The following PIGA variants were observed in gnomAD, a reference collection of about 807,000 sequenced individuals.
PIGA encodes phosphatidylinositol glycan anchor biosynthesis class A.
PIGA carries 3 observed loss-of-function variants against 17.1 expected under a neutral mutation model. That is an observed-to-expected ratio of 0.18 (90% CI 0.08 to 0.45). The LOEUF (loss-of-function observed/expected upper bound fraction) is 0.45, where lower values mean the gene tolerates loss of function less well. Ranked by LOEUF, PIGA falls within the 20% of genes least tolerant of loss-of-function variation. The pLI is 0.99. For missense variants in PIGA, 231 were observed against 374.1 expected, an observed-to-expected ratio of 0.62 and a Z score of 3.16; for synonymous variants, 126 against 135.1, an observed-to-expected ratio of 0.93 and a Z score of 0.47.
Position 15,324,736 on chromosome X carries a change from C to G in PIGA, c.1117G>C (p.Ala373Pro). Reference protein sequence around the residue: ...IFQLKSGTLPAPENIHNIVKT... With the variant: ...IFQLKSGTLPPPENIHNIVKT... ...ACTATGTTATGGATGTTTTCTGGAG[C>G]TGGCAATGTCCCTGACTTCAGTTGG... Residue 373 changes from alanine (A) to proline (P), a missense_variant, in exon 5 of 6, where the codon GCT becomes CCT. Coordinates refer to ENST00000333590, the MANE Select transcript of PIGA (RefSeq NM_002641.4). The G allele has an allele frequency of 8.3e-7, 1 of 1,207,796 alleles. No individual in the cohort carries two copies. The highest frequency in any genetic ancestry group is 1.1e-6 in the Non-Finnish European group (1 of 891,844).
intron 1 of PIGA, among the ~76,000 whole-genome samples, chrX:15,333,732 G>A (rs925849980): frequency 3.6e-5 from 4 of 112,019 alleles, no homozygotes; most frequent in African/African-American, 1.3e-4. Context: ...AAACCAAAGA[G>A]GGTGATTATG....
chrX:15,333,605 C>T (rs141714461), intron 1 of PIGA, among the ~76,000 whole-genome samples: 175 of 112,046 alleles, frequency 1.6e-3, no homozygotes, highest in Middle Eastern at 4.6e-3. Context: ...CGCTTGAACC[C>T]GGGAGTCCGA....
intron 1 of PIGA, among the ~76,000 whole-genome samples, chrX:15,333,630 G>A (rs1258538785): frequency 3.6e-5 from 4 of 112,277 alleles, no homozygotes; most frequent in African/African-American, 1.3e-4. Flanking sequence ...GCAGTGAGCC[G>A]AGATCGCGCC....
chrX:15,329,852 G>T lies in PIGA; in HGVS notation c.715+1364C>A, dbSNP rs754887902. 4.1e-3 allele frequency among the ~76,000 whole-genome samples: 452 copies of T among 111,388 alleles called. 2 individuals carry two copies. Among genetic ancestry groups the T allele is most frequent in the Non-Finnish European group, 7.0e-3 (370 of 53,046 alleles). On this transcript the variant is annotated intron_variant, in intron 2 of 5. Transcript: ENST00000333590. Reference sequence around the variant, plus strand: ...GTTAATCCCAGCATTTTGGGAGGCCGGGGCAGGTGGATCACGAGGTCAGGA... The same window carrying T: ...GTTAATCCCAGCATTTTGGGAGGCCTGGGCAGGTGGATCACGAGGTCAGGA...
chrX:15,321,152 C>T lies in PIGA; in HGVS notation c.*354G>A, dbSNP rs944888916. ...ATCTGGTGAGTGTCTAATGGTGTTACATTAAAAACTGGCCAAAAAATGCCC... is the reference window on the plus strand; with the variant it reads ...ATCTGGTGAGTGTCTAATGGTGTTATATTAAAAACTGGCCAAAAAATGCCC... On this transcript the variant is annotated 3_prime_UTR_variant, in exon 6 of 6. Coordinates refer to ENST00000333590, the MANE Select transcript of PIGA (RefSeq NM_002641.4). 7 of 148,066 alleles carry T rather than the reference C, an allele frequency of 4.7e-5. No homozygotes were observed. Among genetic ancestry groups the T allele is most frequent in the Non-Finnish European group, 9.3e-5 (7 of 75,639 alleles). The allele number at this position is 148,066 out of a possible 1,213,427, so 12.2% of individuals were successfully genotyped here. A position where few individuals can be genotyped will look rare whatever the true frequency, so the allele number is the denominator to read the frequency against.
In PIGA at chrX:15,325,093, T is replaced by C. The variant is rs139991272; in HGVS notation, c.908A>G (p.His303Arg). 8.3e-7 allele frequency: 1 copy of C among 1,206,878 alleles called. No individual in the cohort carries two copies. Among genetic ancestry groups the C allele is most frequent in the African/African-American group, 1.7e-5 (1 of 57,766 alleles). ...AGTAAGGGAGGTATTCAGAAAAATA[T>C]GTCCTTGAACTAAGACATTTCTAAC... ...KDVRNVLVQGHIFLNTSLTEA... is the reference protein window; with the variant it reads ...KDVRNVLVQGRIFLNTSLTEA... The change falls in exon 4 of 6, where the codon CAT becomes CGT. Residue 303 changes from histidine (H) to arginine (R), a missense_variant. By Grantham distance (29) the His-to-Arg change is conservative. Transcript: ENST00000333590.
chrX:15,325,121 C>T lies in PIGA; in HGVS notation c.880G>A (p.Asp294Asn). 1 of 1,200,606 alleles carries T rather than the reference C, an allele frequency of 8.3e-7. No homozygotes were observed. Among genetic ancestry groups the T allele is most frequent in the Non-Finnish European group, 1.1e-6 (1 of 890,436 alleles). The stretch of plus-strand genomic sequence containing the variant: ...CCTTGAACTAAGACATTTCTAACAT[C>T]CTTGTGTTCTAAAGCTCCCAAAAGA... ...VRLLGALEHK[D>N]VRNVLVQGHI... is the part of the protein sequence containing the mutation. Residue 294 changes from aspartate (D) to asparagine (N), a missense_variant, in exon 4 of 6, where the codon GAT becomes AAT. Asp to Asn is a conservative substitution (Grantham distance 23). Transcript: ENST00000333590.
At position 15,325,191 on chromosome X, in the gene PIGA, C is replaced by T. The variant is rs370967074; in HGVS notation, c.849-39G>A. The T allele has an allele frequency of 3.2e-5, 36 of 1,123,253 alleles. No homozygotes were observed. In the African/African-American group the frequency reaches 5.4e-4, roughly 17 times the overall value. The allele number at this position is 1,123,253 out of a possible 1,213,427, so 92.6% of individuals were successfully genotyped here. On this transcript the variant is annotated intron_variant, in intron 3 of 5. Transcript: ENST00000333590. ...TGAGAGGGGAAGAAAGGAGTGAAAA[C>T]TCATGCTACAAAAGAAATTTAATTT... is the stretch of plus-strand genomic sequence containing the variant.
At chrX:15,329,262 C>G (rs1329111676) in intron 2 of PIGA, among the ~76,000 whole-genome samples, 1 of 111,936 alleles carries the variant, frequency 8.9e-6, no homozygotes, top group African/African-American at 3.3e-5. Flanking sequence ...TATAAACTGA[C>G]AAAAAGAGTA....
At chrX:15,331,157 T>A (rs775133099) in intron 2 of PIGA, 59 bp downstream of exon 2, 353 of 793,829 alleles carry the variant, frequency 4.4e-4, no homozygotes, top group Non-Finnish European at 6.1e-4. Context: ...ATACAAGTAT[T>A]CAACAGCTTT....
chrX:15,326,143 C>T, intron 2 of PIGA, 97 bp from the exon 3 acceptor site: 3 of 529,523 alleles, frequency 5.7e-6, no homozygotes, highest in Non-Finnish European at 9.1e-6. Context: ...AAAGTATTAG[C>T]TATGCACTCC....
intron 2 of PIGA, among the ~76,000 whole-genome samples, chrX:15,326,632 G>C (rs1266183600): frequency 8.9e-6 from 1 of 112,194 alleles, no homozygotes; most frequent in African/African-American, 3.2e-5. Context: ...GGCTGGTACA[G>C]AGAATTTTGC....
intron 1 of PIGA, among the ~76,000 whole-genome samples, chrX:15,335,114 CCT>C (rs1922294175): frequency 8.9e-6 from 1 of 112,294 alleles, no homozygotes; most frequent in Non-Finnish European, 1.9e-5. Context: ...AGCTTCATTC[CCT>C]GATTCCCTGA....
intron 2 of PIGA, among the ~76,000 whole-genome samples, chrX:15,329,804 G>GCC (rs973990130): frequency 5.4e-5 from 6 of 111,635 alleles, no homozygotes; most frequent in African/African-American, 2.0e-4. Context: ...AGCCTCCTTG[G>GCC]CCAGGTGCAG....
chrX:15,335,553 T>G, upstream of PIGA: 1 of 955,276 alleles, frequency 1.0e-6, no homozygotes. Flanking sequence ...GCAGCCGGAG[T>G]CCCTCCCTGC....
intron 1 of PIGA, among the ~76,000 whole-genome samples, chrX:15,333,975 C>G (rs1175468902): frequency 3.6e-5 from 4 of 111,243 alleles, no homozygotes; most frequent in South Asian, 7.5e-4. Flanking sequence ...CATTCTTAGA[C>G]ACTTAAAGCT....
At chrX:15,323,192 C>T (rs1921867381) in intron 5 of PIGA, among the ~76,000 whole-genome samples, 4 of 111,782 alleles carry the variant, frequency 3.6e-5, no homozygotes, top group African/African-American at 1.3e-4. Context: ...ACCGTCACCA[C>T]AGTTCTTTCC....
In PIGA at chrX:15,331,876, G is replaced by A. The variant is rs34422225; in HGVS notation, c.55C>T (p.Arg19Trp). 41,828 of 1,208,937 alleles carry A rather than the reference G, an allele frequency of 0.035. 580 individuals carry two copies. Among genetic ancestry groups the A allele is most frequent in the Middle Eastern group, 0.041 (177 of 4,345 alleles). Residue 19 changes from arginine (R) to tryptophan (W), a missense_variant, in exon 2 of 6, where the codon CGG becomes TGG. Arg to Trp is a moderately radical substitution (Grantham distance 101). This residue lies in a region of PIGA where 29 missense variants were observed against 28.1 expected (regional missense o/e 1.03). Coordinates refer to ENST00000333590, the MANE Select transcript of PIGA (RefSeq NM_002641.4). ...GTGTAAAGACTTCCAGGGCTAACCC[G>A]AGAGAGTGTAGCTGAGGCACGGTGG... ...NGHRASATLS[R>W]VSPGSLYTCR...
At chrX:15,324,952 G>A in intron 4 of PIGA, 68 bp downstream of exon 4, 1 of 1,149,279 alleles carries the variant, frequency 8.7e-7, no homozygotes, top group Non-Finnish European at 1.2e-6. Context: ...ACATTATTAT[G>A]GAATGTGTCT....
Sources: allele counts gnomAD v4.1 joint callset (sites outside exome capture counted in the v4.1 genomes callset), GRCh38; gene constraint gnomAD v4.1.1; regional missense constraint gnomAD v4.1.1; transcripts MANE v1.5; gene names NCBI Gene and HGNC (gene_info 2026-07-23, HGNC 2026-07-21).